The following PPM1L variants were observed in gnomAD, a reference collection of about 807,000 sequenced individuals.
PPM1L encodes protein phosphatase 1L.
PPM1L carries 13 observed loss-of-function variants against 31.4 expected under a neutral mutation model. The observed-to-expected ratio is 0.41, with a 90% confidence interval of 0.27 to 0.66. The LOEUF is 0.66. Among genes scored for constraint, PPM1L ranks in the 30% least tolerant of loss-of-function variants. PPM1L has a pLI of 0.29. For synonymous variants in PPM1L, 184 were observed against 175.4 expected, an observed-to-expected ratio of 1.05 and a Z score of -0.39; for missense variants, 326 against 453.7, an observed-to-expected ratio of 0.72 and a Z score of 2.56.
At chr3:160,887,631 A>C (rs1712962746) in intron 1 of PPM1L, among the ~76,000 whole-genome samples, 1 of 144,452 alleles carries the variant, frequency 6.9e-6, no homozygotes, top group Non-Finnish European at 1.5e-5. Flanking sequence ...CCCACGCTGG[A>C]GTGCAGTGGC....
chr3:160,863,840 T>C (rs942991369), intron 1 of PPM1L, among the ~76,000 whole-genome samples: 2 of 152,192 alleles, frequency 1.3e-5, no homozygotes, highest in African/African-American at 4.8e-5. Flanking sequence ...AGGGTATACA[T>C]AGTCCCCTGC....
At chr3:160,965,498 T>C (rs958610098) in intron 2 of PPM1L, among the ~76,000 whole-genome samples, 17 of 152,130 alleles carry the variant, frequency 1.1e-4, no homozygotes, top group Admixed American at 2.6e-4. Flanking sequence ...ATAGACTTTG[T>C]GTTAGATGAC....
intron 1 of PPM1L, among the ~76,000 whole-genome samples, chr3:160,834,046 C>T (rs1331443313): frequency 4.6e-5 from 6 of 130,034 alleles, no homozygotes; most frequent in South Asian, 4.9e-4. Context: ...TTTTTTGAGA[C>T]GGAGTCTTGC....
At chr3:160,841,022 T>C (rs541221415) in intron 1 of PPM1L, among the ~76,000 whole-genome samples, 3 of 152,110 alleles carry the variant, frequency 2.0e-5, no homozygotes, top group Non-Finnish European at 2.9e-5. Flanking sequence ...CTTAATCTAG[T>C]CAAGTTGACA....
intron 1 of PPM1L, among the ~76,000 whole-genome samples, chr3:160,790,138 C>T (rs1032526377): frequency 6.6e-6 from 1 of 152,018 alleles, no homozygotes; most frequent in African/African-American, 2.4e-5. Flanking sequence ...TTGGTTGAGT[C>T]TAAGGATGCA....
chr3:160,787,379 T>G (rs947144018), intron 1 of PPM1L, among the ~76,000 whole-genome samples: 6 of 152,198 alleles, frequency 3.9e-5, no homozygotes, highest in African/African-American at 1.4e-4. Context: ...TTTTTGTATG[T>G]TTTTTGGCCA....
chr3:160,940,437 C>T (rs112461649), intron 1 of PPM1L, among the ~76,000 whole-genome samples: 35 of 152,106 alleles, frequency 2.3e-4, no homozygotes, highest in African/African-American at 4.8e-4. Context: ...CCTGGAGGCC[C>T]GGGAGGAAAA....
Position 160,856,172 on chromosome 3 carries a change from A to G in PPM1L, c.399+99465A>G, listed in dbSNP as rs186600437. 2.6e-5 allele frequency among the ~76,000 whole-genome samples: 4 copies of G among 152,082 alleles called. No individual in the cohort carries two copies. In the East Asian group the frequency reaches 5.8e-4, roughly 22 times the overall value. ...AGCTGATTAGATTGTGCCCACCGAGATTGAGAGTGGGTCTGCTTTTCCCAG... is the reference window on the plus strand; with the variant it reads ...AGCTGATTAGATTGTGCCCACCGAGGTTGAGAGTGGGTCTGCTTTTCCCAG... On this transcript the variant is annotated intron_variant, in intron 1 of 3. Transcript: ENST00000498165.
At chr3:160,864,642 A>C (rs567727139) in intron 1 of PPM1L, among the ~76,000 whole-genome samples, 44 of 152,262 alleles carry the variant, frequency 2.9e-4, no homozygotes, top group Non-Finnish European at 5.6e-4. Context: ...AGCATCTGTC[A>C]TTCACCAGGT....
At chr3:161,038,920 T>G (rs1718830061) in intron 2 of PPM1L, among the ~76,000 whole-genome samples, 1 of 152,110 alleles carries the variant, frequency 6.6e-6, no homozygotes, top group African/African-American at 2.4e-5. Context: ...ATAAAACAGG[T>G]TGCAGTAAAG....
chr3:160,950,452 C>T (rs2108097517), intron 1 of PPM1L, among the ~76,000 whole-genome samples: 1 of 152,290 alleles, frequency 6.6e-6, no homozygotes, highest in East Asian at 1.9e-4. Flanking sequence ...CAGGCCTTCT[C>T]CATACCCCAA....
intron 1 of PPM1L, among the ~76,000 whole-genome samples, chr3:160,915,722 T>A (rs1402587179): frequency 2.0e-5 from 3 of 152,052 alleles, no homozygotes; most frequent in Non-Finnish European, 4.4e-5. Flanking sequence ...TATAGACCAA[T>A]GGAACAGAAC....
At chr3:160,801,357 G>C (rs1243204942) in intron 1 of PPM1L, among the ~76,000 whole-genome samples, 1 of 152,054 alleles carries the variant, frequency 6.6e-6, no homozygotes, top group Non-Finnish European at 1.5e-5. Flanking sequence ...TTTGCACTTG[G>C]GGCAAAGCGA....
At chr3:160,803,328 GAAT>G (rs1393547649) in intron 1 of PPM1L, among the ~76,000 whole-genome samples, 1 of 152,086 alleles carries the variant, frequency 6.6e-6, no homozygotes, top group Non-Finnish European at 1.5e-5. Flanking sequence ...TATTTTCTCT[GAAT>G]AATAACCTCA....
intron 1 of PPM1L, among the ~76,000 whole-genome samples, chr3:160,771,417 T>A (rs113918911): frequency 0.016 from 2,497 of 151,862 alleles, 65 homozygotes; most frequent in African/African-American, 0.057. Flanking sequence ...TTTTATTTTA[T>A]TTTTTTGTAG....
At chr3:160,844,411 C>T (rs762877458) in intron 1 of PPM1L, among the ~76,000 whole-genome samples, 34 of 152,120 alleles carry the variant, frequency 2.2e-4, no homozygotes, top group Non-Finnish European at 3.4e-4. Flanking sequence ...CACTGAGCCT[C>T]GGCTTCTTCA....
chr3:161,054,285 T>G (rs1719354734), intron 2 of PPM1L, among the ~76,000 whole-genome samples: 1 of 151,010 alleles, frequency 6.6e-6, no homozygotes, highest in African/African-American at 2.4e-5. Flanking sequence ...CCAGTCAGGT[T>G]TTAGGGCTGC....
At chr3:160,945,105 C>CTAT (rs780045612) in intron 1 of PPM1L, among the ~76,000 whole-genome samples, 42 of 50,794 alleles carry the variant, frequency 8.3e-4, no homozygotes, top group East Asian at 2.1e-3. Context: ...TTATATATAA[C>CTAT]ATATATGTTA....
chr3:161,049,284 A>AAAACC (rs1376193146), intron 2 of PPM1L, among the ~76,000 whole-genome samples: 2 of 152,090 alleles, frequency 1.3e-5, no homozygotes, highest in South Asian at 4.1e-4. Flanking sequence ...TCTCAAAAAA[A>AAAACC]AAACCAAACC....
Sources: allele counts gnomAD v4.1 joint callset (sites outside exome capture counted in the v4.1 genomes callset), GRCh38; gene constraint gnomAD v4.1.1; transcripts MANE v1.5; gene names NCBI Gene and HGNC (gene_info 2026-07-23, HGNC 2026-07-21).